KCNQ5: variants seen among roughly 807,000 people sequenced by gnomAD.
KCNQ5 encodes the protein potassium voltage-gated channel subfamily Q member 5.
Under a neutral mutation model 98.2 loss-of-function variants are expected in KCNQ5, and 30 were observed. That is an observed-to-expected ratio of 0.31 (90% confidence interval 0.23 to 0.41). KCNQ5 has a LOEUF of 0.41. KCNQ5 is among the 10% of genes least tolerant of loss of function. The probability of loss-of-function intolerance (pLI) is 1.00; values close to 1 mark genes in which losing one functional copy is unlikely to be tolerated. For synonymous variants in KCNQ5, 458 were observed against 449.4 expected, an observed-to-expected ratio of 1.02 and a Z score of -0.24; for missense variants, 835 against 1,182.5, an observed-to-expected ratio of 0.71 and a Z score of 4.31.
At chr6:72,776,463 G>A (rs1773166928) in intron 1 of KCNQ5, among the ~76,000 whole-genome samples, 1 of 152,170 alleles carries the variant, frequency 6.6e-6, no homozygotes, top group African/African-American at 2.4e-5. Context: ...CAGAAGAGAT[G>A]AGTGATGAAA....
intron 1 of KCNQ5, among the ~76,000 whole-genome samples, chr6:72,852,808 A>T (rs945261976): frequency 6.6e-6 from 1 of 151,400 alleles, no homozygotes; most frequent in Non-Finnish European, 1.5e-5. Context: ...AATAAATTAC[A>T]TTAAAAACAA....
intron 1 of KCNQ5, among the ~76,000 whole-genome samples, chr6:72,625,962 G>A (rs6453594): frequency 0.17 from 25,830 of 152,088 alleles, 2,545 homozygotes; most frequent in Middle Eastern, 0.25. Context: ...AGTATTGTTC[G>A]TAAAATGCAA....
At chr6:72,770,513 A>C (rs1023107727) in intron 1 of KCNQ5, among the ~76,000 whole-genome samples, 3 of 152,182 alleles carry the variant, frequency 2.0e-5, no homozygotes, top group African/African-American at 7.2e-5. Context: ...CAGAACAATC[A>C]GTTTTGTTTT....
chr6:72,843,165 T>C (rs1776873472), intron 1 of KCNQ5, among the ~76,000 whole-genome samples: 2 of 152,160 alleles, frequency 1.3e-5, no homozygotes, highest in Non-Finnish European at 2.9e-5. Flanking sequence ...TTGTATAAGG[T>C]TTAAGGAAGG....
Position 73,055,224 on chromosome 6 carries a change from G to A in KCNQ5, c.616+13162G>A, listed in dbSNP as rs573845688. 1.8e-4 allele frequency: 212 copies of A among 1,200,886 alleles called. 4 individuals are homozygous for A. The South Asian group carries it at 2.3e-3, about 13-fold the overall frequency. The allele number at this position is 1,200,886 out of a possible 1,614,324, so 74.4% of individuals were successfully genotyped here. The stretch of plus-strand genomic sequence containing the variant: ...CATGAGGCGGCAAAGCAGGCACGGC[G>A]AGATGCTGGCTATGAGTTTGACATC... On this transcript the variant is annotated intron_variant, in intron 3 of 13. Transcript: ENST00000370398.
chr6:72,927,844 G>T (rs75831701), intron 1 of KCNQ5, among the ~76,000 whole-genome samples: 1 of 151,432 alleles, frequency 6.6e-6, no homozygotes, highest in African/African-American at 2.4e-5. Context: ...ACTTGTTTTC[G>T]CAAAAGATAG....
intron 1 of KCNQ5, among the ~76,000 whole-genome samples, chr6:72,975,313 T>C (rs562959396): frequency 1.4e-4 from 21 of 152,296 alleles, no homozygotes; most frequent in African/African-American, 5.1e-4. Context: ...ACATACCTTT[T>C]TTCTTTACTT....
intron 6 of KCNQ5, among the ~76,000 whole-genome samples, chr6:73,107,910 A>G (rs1209395708): frequency 1.3e-5 from 2 of 152,176 alleles, no homozygotes; most frequent in African/African-American, 2.4e-5. Context: ...AATGGTCCAT[A>G]TATACCTTTA....
chr6:72,921,516 G>T (rs1210762840), intron 1 of KCNQ5, among the ~76,000 whole-genome samples: 2 of 152,186 alleles, frequency 1.3e-5, no homozygotes, highest in Non-Finnish European at 2.9e-5. Flanking sequence ...GAGTAGACAG[G>T]AGTATCAGGG....
chr6:72,863,675 A>G (rs1777860460), intron 1 of KCNQ5, among the ~76,000 whole-genome samples: 1 of 152,222 alleles, frequency 6.6e-6, no homozygotes, highest in Non-Finnish European at 1.5e-5. Flanking sequence ...TTCTACCTGG[A>G]CAATAAAGTA....
At chr6:72,768,143 G>C (rs565989570) in intron 1 of KCNQ5, among the ~76,000 whole-genome samples, 2 of 152,136 alleles carry the variant, frequency 1.3e-5, no homozygotes, top group Non-Finnish European at 2.9e-5. Flanking sequence ...TGAGAGGCAG[G>C]GATGTGTCAG....
intron 1 of KCNQ5, among the ~76,000 whole-genome samples, chr6:72,791,703 T>G (rs1561986303): frequency 6.6e-6 from 1 of 152,192 alleles, no homozygotes; most frequent in Non-Finnish European, 1.5e-5. Flanking sequence ...ATTTATTGTT[T>G]CACAGTTGTG....
At chr6:73,133,392 T>C (rs755053277) in intron 9 of KCNQ5, 29 bp from the exon 10 acceptor site, 4 of 1,592,328 alleles carry the variant, frequency 2.5e-6, no homozygotes, top group Non-Finnish European at 3.4e-6. Flanking sequence ...TTGCTTGAAA[T>C]GGAATAATCA....
intron 1 of KCNQ5, among the ~76,000 whole-genome samples, chr6:72,792,167 C>T (rs1481589802): frequency 6.6e-6 from 1 of 152,134 alleles, no homozygotes; most frequent in Non-Finnish European, 1.5e-5. Context: ...AAGTCATTGT[C>T]TCATAATATA....
Position 72,622,092 on chromosome 6 carries a change from C to A in KCNQ5, c.-98C>A, listed in dbSNP as rs2098915415. 1 of 1,091,890 alleles carries A rather than the reference C, an allele frequency of 9.2e-7. No homozygotes were observed. Among genetic ancestry groups the A allele is most frequent in the African/African-American group, 1.6e-5 (1 of 61,318 alleles). 67.6% of individuals were successfully genotyped at this position (1,091,890 alleles called of 1,614,324 possible). ...GGTCTCTGGCTGGCGGGCGCCCCGT[C>A]GGCCGCCGGCTTCCTCCTTGAAACC... On this transcript the variant is annotated 5_prime_UTR_variant, in exon 1 of 14. Transcript: ENST00000370398. This position sits in a 1 kb window ranked among gnomAD's most constrained non-coding sequence, Gnocchi z 6.0.
chr6:72,950,304 G>A (rs1766739047), intron 1 of KCNQ5, among the ~76,000 whole-genome samples: 1 of 152,172 alleles, frequency 6.6e-6, no homozygotes, highest in East Asian at 1.9e-4. Flanking sequence ...CTGATTAAAA[G>A]ATTATCTGTC....
At chr6:72,804,410 G>A (rs1774844308) in intron 1 of KCNQ5, among the ~76,000 whole-genome samples, 1 of 150,654 alleles carries the variant, frequency 6.6e-6, no homozygotes, top group South Asian at 2.1e-4. Context: ...CCACAAATAA[G>A]TGAGAACCTG....
intron 3 of KCNQ5, among the ~76,000 whole-genome samples, chr6:73,058,195 G>A (rs1048893004): frequency 2.0e-5 from 3 of 152,158 alleles, no homozygotes; most frequent in Non-Finnish European, 2.9e-5. Context: ...GGCGGATCAC[G>A]AGGTCAGGAG....
chr6:72,731,181 A>G (rs2154475760), intron 1 of KCNQ5, among the ~76,000 whole-genome samples: 1 of 152,324 alleles, frequency 6.6e-6, no homozygotes, highest in African/African-American at 2.4e-5. Flanking sequence ...TTAAGTGAAA[A>G]TGAGAGGACA....
Sources: allele counts gnomAD v4.1 joint callset (sites outside exome capture counted in the v4.1 genomes callset), GRCh38; gene constraint gnomAD v4.1.1; non-coding constraint Gnocchi (gnomAD v3.1); transcripts MANE v1.5; gene names NCBI Gene and HGNC (gene_info 2026-07-23, HGNC 2026-07-21).